Variants in AUTS2 observed in about 807,000 individuals in gnomAD.
AUTS2 encodes the protein autism susceptibility gene 2 protein.
In AUTS2, 17 loss-of-function variants were observed where a neutral mutation model predicts 112.4. The observed-to-expected ratio is 0.15, with a 90% CI of 0.10 to 0.23. AUTS2 has a LOEUF of 0.23. Among genes scored for constraint, AUTS2 ranks in the 10% least tolerant of loss-of-function variants. The pLI, the probability that AUTS2 is intolerant of heterozygous loss-of-function variation, is 1.00. For missense variants in AUTS2, 1,510 were observed against 1,701.6 expected (o/e 0.89, Z 1.98); for synonymous variants, 751 against 702.7 (o/e 1.07, Z -1.09).
chr7:70,155,384 T>C (rs944471271), intron 4 of AUTS2, among the ~76,000 whole-genome samples: 1 of 151,866 alleles, frequency 6.6e-6, no homozygotes, highest in African/African-American at 2.4e-5. Flanking sequence ...TCTGACTGCA[T>C]GGGCTCTTGA....
At chr7:69,878,831 G>A (rs1793915154) in intron 1 of AUTS2, among the ~76,000 whole-genome samples, 1 of 152,156 alleles carries the variant, frequency 6.6e-6, no homozygotes, top group Non-Finnish European at 1.5e-5. Context: ...CTGATGTAAT[G>A]CCATTGTGTT....
rs138001480 is a variant in AUTS2, at chr7:69,856,987, C to T, written c.310-42299C>T. Among the ~76,000 whole-genome samples, 39 of 152,304 alleles carry T rather than the reference C, an allele frequency of 2.6e-4. No individual in the cohort carries two copies. In the East Asian group the frequency reaches 6.6e-3, roughly 26 times the overall value. On this transcript the variant is annotated intron_variant, in intron 1 of 18. Transcript: ENST00000342771. ...TTTCTTTGAAAAGCCAGGAATTTCA[C>T]GGCTCCAGAGGAGGGGATGCAGAAG...
chr7:70,204,563 A>G (rs1479188213), intron 4 of AUTS2, among the ~76,000 whole-genome samples: 1 of 152,182 alleles, frequency 6.6e-6, no homozygotes, highest in African/African-American at 2.4e-5. Context: ...GAGGCCCTGT[A>G]TATACAGCAG....
chr7:70,305,847 A>C (rs567538390), intron 4 of AUTS2, among the ~76,000 whole-genome samples: 1 of 152,316 alleles, frequency 6.6e-6, no homozygotes, highest in African/African-American at 2.4e-5. Flanking sequence ...GGTGAGTATA[A>C]ATTCTCAGAT....
chr7:70,743,675 G>A (rs1326269376), intron 6 of AUTS2, among the ~76,000 whole-genome samples: 1 of 152,156 alleles, frequency 6.6e-6, no homozygotes, highest in Non-Finnish European at 1.5e-5. Context: ...GGGATTTGTG[G>A]TGCCTTCTGG....
intron 1 of AUTS2, among the ~76,000 whole-genome samples, chr7:69,600,562 A>G (rs1404857772): frequency 1.2e-4 from 11 of 89,984 alleles, no homozygotes; most frequent in East Asian, 3.6e-4. Flanking sequence ...TTTTTTGGTG[A>G]AGCTGGGGAA....
intron 2 of AUTS2, among the ~76,000 whole-genome samples, chr7:69,995,530 C>T (rs1055003909): frequency 7.2e-5 from 11 of 152,118 alleles, no homozygotes; most frequent in African/African-American, 2.7e-4. Flanking sequence ...CTTGTGTTTG[C>T]CCCCTGCTTT....
chr7:70,383,442 A>G (rs1252549303), intron 4 of AUTS2, among the ~76,000 whole-genome samples: 1 of 152,200 alleles, frequency 6.6e-6, no homozygotes, highest in Non-Finnish European at 1.5e-5. Flanking sequence ...TTATGCCCCC[A>G]TTGCCTGTAA....
At chr7:70,764,683 T>A (rs1789800048) in intron 7 of AUTS2, 69 bp from the exon 8 acceptor site, 1 of 692,156 alleles carries the variant, frequency 1.4e-6, no homozygotes, top group Non-Finnish European at 2.7e-6. Context: ...GAGGTAGGAT[T>A]CTTTTAAAGA....
chr7:69,901,453 A>G (rs928620940), intron 2 of AUTS2, among the ~76,000 whole-genome samples: 6 of 152,218 alleles, frequency 3.9e-5, no homozygotes, highest in African/African-American at 1.4e-4. Context: ...GAGACTTTCA[A>G]GGTCCTCTGG....
intron 1 of AUTS2, among the ~76,000 whole-genome samples, chr7:69,714,308 A>G (rs552634856): frequency 4.8e-5 from 7 of 144,998 alleles, no homozygotes; most frequent in South Asian, 4.4e-4. Context: ...AAGTCTCCCT[A>G]TGTTGCCTGG....
intron 1 of AUTS2, among the ~76,000 whole-genome samples, chr7:69,690,822 G>A (rs762184680): frequency 1.3e-5 from 2 of 152,204 alleles, no homozygotes; most frequent in African/African-American, 2.4e-5. Flanking sequence ...GCAATTCAGC[G>A]GGTGCTGAGT....
intron 4 of AUTS2, chr7:70,290,686 G>A: frequency 7.5e-7 from 1 of 1,331,382 alleles, no homozygotes; most frequent in Non-Finnish European, 9.6e-7. Context: ...TCCCAATTCA[G>A]GTATCAGATC....
chr7:70,767,707 G>A (rs914113810), intron 9 of AUTS2, among the ~76,000 whole-genome samples: 4 of 152,168 alleles, frequency 2.6e-5, no homozygotes, highest in African/African-American at 9.7e-5. Context: ...ACCTCTCTCT[G>A]ATTTATCTGG....
intron 2 of AUTS2, among the ~76,000 whole-genome samples, chr7:70,025,953 T>C (rs1437771689): frequency 6.6e-6 from 1 of 152,074 alleles, no homozygotes; most frequent in African/African-American, 2.4e-5. Flanking sequence ...GAAGATGAGA[T>C]AGTTTCTGAA....
intron 4 of AUTS2, among the ~76,000 whole-genome samples, chr7:70,429,207 C>T (rs1266162631): frequency 1.3e-5 from 2 of 152,230 alleles, no homozygotes; most frequent in African/African-American, 4.8e-5. Flanking sequence ...TTGAACAATA[C>T]TCAAGAAGAA....
chr7:70,454,616 C>G (rs1004686520), intron 5 of AUTS2, among the ~76,000 whole-genome samples: 1 of 152,090 alleles, frequency 6.6e-6, no homozygotes, highest in African/African-American at 2.4e-5. Flanking sequence ...CTACTCGGGC[C>G]GGGCACGGTG....
At chr7:70,173,057 C>A (rs1808786613) in intron 4 of AUTS2, among the ~76,000 whole-genome samples, 1 of 152,072 alleles carries the variant, frequency 6.6e-6, no homozygotes, top group South Asian at 2.1e-4. Flanking sequence ...CTATTGAATT[C>A]TTTTAAAATG....
At chr7:70,266,606 G>A (rs758249428) in intron 4 of AUTS2, among the ~76,000 whole-genome samples, 15 of 152,108 alleles carry the variant, frequency 9.9e-5, no homozygotes, top group Non-Finnish European at 1.8e-4. Flanking sequence ...GGTGATGGAA[G>A]TGTTATCAAT....
Sources: allele counts gnomAD v4.1 joint callset (sites outside exome capture counted in the v4.1 genomes callset), GRCh38; gene constraint gnomAD v4.1.1; transcripts MANE v1.5; gene names NCBI Gene and HGNC (gene_info 2026-07-23, HGNC 2026-07-21).